MAML3: variants seen among roughly 807,000 people sequenced by gnomAD.
The protein encoded by MAML3 is mastermind-like protein 3.
A neutral mutation model predicts 101.9 loss-of-function variants in MAML3; 27 were observed. That is an observed-to-expected ratio of 0.27 (90% CI 0.20 to 0.37). The LOEUF is 0.37. MAML3 is among the 10% of genes least tolerant of loss of function. The pLI is 1.00. For missense variants in MAML3, 1,316 were observed against 1,444.9 expected (o/e 0.91, Z 1.45); for synonymous variants, 501 against 555.9 (o/e 0.90, Z 1.39).
At chr4:139,856,294 T>C (rs75007379) in intron 2 of MAML3, among the ~76,000 whole-genome samples, 4,549 of 152,324 alleles carry the variant, frequency 0.03, 222 homozygotes, top group African/African-American at 0.1. Context: ...AGCAATAAGA[T>C]GAATTTAACT....
At chr4:139,912,599 A>C (rs1021263809) in intron 1 of MAML3, among the ~76,000 whole-genome samples, 1 of 152,246 alleles carries the variant, frequency 6.6e-6, no homozygotes, top group African/African-American at 2.4e-5. Context: ...ATGAGGTCAT[A>C]CTGGAGTAGA....
intron 2 of MAML3, among the ~76,000 whole-genome samples, chr4:139,884,366 C>T (rs1323086910): frequency 4.6e-5 from 7 of 152,136 alleles, no homozygotes. Flanking sequence ...AATATGAGCA[C>T]ATATACTCAT....
chr4:139,739,866 G>C (rs1320222267), intron 2 of MAML3, among the ~76,000 whole-genome samples: 1 of 151,788 alleles, frequency 6.6e-6, no homozygotes. Flanking sequence ...ATTTTTAAAA[G>C]CTTGTTAAGA....
intron 1 of MAML3, among the ~76,000 whole-genome samples, chr4:140,054,911 T>C (rs943119530): frequency 1.1e-4 from 17 of 152,248 alleles, no homozygotes; most frequent in Admixed American, 6.5e-5. Context: ...AATCAGTGGA[T>C]GAAAGAAAGA....
intron 2 of MAML3, among the ~76,000 whole-genome samples, chr4:139,762,108 G>A (rs1729770800): frequency 6.6e-6 from 1 of 152,174 alleles, no homozygotes; most frequent in African/African-American, 2.4e-5. Context: ...TGTTCGAGCT[G>A]CAGAATCCTA....
chr4:140,143,344 G>C (rs995118787), intron 1 of MAML3, among the ~76,000 whole-genome samples: 1 of 152,196 alleles, frequency 6.6e-6, no homozygotes, highest in Non-Finnish European at 1.5e-5. Flanking sequence ...CATTTGGGCA[G>C]AAGGCAACAA....
intron 1 of MAML3, among the ~76,000 whole-genome samples, chr4:140,057,865 T>C (rs1189017723): frequency 2.0e-5 from 3 of 152,178 alleles, no homozygotes; most frequent in Non-Finnish European, 4.4e-5. Flanking sequence ...CCTCATTTTA[T>C]ACATGGTTGG....
rs1233421884 is a variant in MAML3, at chr4:139,979,372, G to A, written c.469-88405C>T. Among the ~76,000 whole-genome samples, 21 of 152,114 alleles carry A rather than the reference G, an allele frequency of 1.4e-4. 1 individual carries two copies. The highest frequency in any genetic ancestry group is 1.4e-3 in the Admixed American group (21 of 15,266). ...ATTTTTCTGCTTGGAGGCAGAGCTT[G>A]TCCAACCACCCCTCCATAGACACCA... On this transcript the variant is annotated intron_variant, in intron 1 of 4. Transcript: ENST00000509479.
intron 2 of MAML3, among the ~76,000 whole-genome samples, chr4:139,764,667 A>C (rs1159383523): frequency 6.6e-6 from 1 of 152,114 alleles, no homozygotes; most frequent in Non-Finnish European, 1.5e-5. Context: ...TGCTGTTGTT[A>C]TTGGGCATTC....
chr4:140,076,271 A>T (rs1012459743), intron 1 of MAML3, among the ~76,000 whole-genome samples: 2 of 152,142 alleles, frequency 1.3e-5, no homozygotes, highest in South Asian at 4.2e-4. Flanking sequence ...ATAAGATATT[A>T]TGGGGACTAA....
intron 2 of MAML3, among the ~76,000 whole-genome samples, chr4:139,880,316 G>C (rs940300168): frequency 7.2e-5 from 11 of 152,134 alleles, no homozygotes; most frequent in African/African-American, 2.7e-4. Context: ...AAATATGCCA[G>C]GATGTACACG....
intron 1 of MAML3, among the ~76,000 whole-genome samples, chr4:139,942,777 G>A (rs1423572511): frequency 6.6e-6 from 1 of 151,974 alleles, no homozygotes; most frequent in Non-Finnish European, 1.5e-5. Context: ...AGTTACATTA[G>A]AAAACTGAAT....
At chr4:139,760,317 T>G (rs1729730582) in intron 2 of MAML3, among the ~76,000 whole-genome samples, 2 of 152,116 alleles carry the variant, frequency 1.3e-5, no homozygotes, top group Admixed American at 1.3e-4. Flanking sequence ...AATCTAGAAT[T>G]CAGGTGAACA....
chr4:139,833,331 C>G (rs1420618764), intron 2 of MAML3, among the ~76,000 whole-genome samples: 1 of 152,202 alleles, frequency 6.6e-6, no homozygotes, highest in Non-Finnish European at 1.5e-5. Flanking sequence ...CGGCGGCAAA[C>G]TCAGTTTACA....
At chr4:140,090,581 C>T (rs1728027026) in intron 1 of MAML3, among the ~76,000 whole-genome samples, 1 of 152,230 alleles carries the variant, frequency 6.6e-6, no homozygotes, top group South Asian at 2.1e-4. Context: ...ACAATGTTCT[C>T]AAGGTCAACT....
At chr4:139,822,962 T>C (rs892981775) in intron 2 of MAML3, among the ~76,000 whole-genome samples, 1 of 152,208 alleles carries the variant, frequency 6.6e-6, no homozygotes, top group African/African-American at 2.4e-5. Flanking sequence ...GGTATTTATC[T>C]TGATCCTTCC....
At chr4:139,740,542 T>C (rs972455187) in intron 2 of MAML3, 5 of 152,090 alleles carry the variant, frequency 3.3e-5, no homozygotes, top group Non-Finnish European at 7.3e-5. Flanking sequence ...GAGATTTTTT[T>C]CCCCCTCCTG....
chr4:140,054,395 G>GA (rs1727318746), intron 1 of MAML3, among the ~76,000 whole-genome samples: 1 of 150,268 alleles, frequency 6.7e-6, no homozygotes, highest in African/African-American at 2.4e-5. Context: ...GAAAAGAAAA[G>GA]AAAAAAGAAA....
intron 2 of MAML3, among the ~76,000 whole-genome samples, chr4:139,743,184 C>G (rs760255994): frequency 2.0e-4 from 31 of 152,238 alleles, no homozygotes; most frequent in Admixed American, 1.2e-3. Context: ...AGTTACACGC[C>G]TCCTTTAAGA....
Sources: gnomAD v4.1 joint callset for allele counts (sites outside exome capture counted in the v4.1 genomes callset) on GRCh38, gnomAD v4.1.1 for gene constraint, MANE v1.5 for transcripts, NCBI Gene and HGNC (gene_info 2026-07-23, HGNC 2026-07-21) for gene names.